The following TANGO6 variants were observed in gnomAD, a reference collection of about 807,000 sequenced individuals.
TANGO6 encodes transport and golgi organization 6 homolog.
A neutral mutation model predicts 114.2 loss-of-function variants in TANGO6; 90 were observed. The ratio of observed to expected loss-of-function variants is 0.79; its 90% CI spans 0.66 to 0.94. TANGO6 has a LOEUF of 0.94. Ranked by LOEUF, TANGO6 falls within the 40% of genes least tolerant of loss-of-function variation. The pLI is 0.00. For synonymous variants in TANGO6, 477 were observed against 509.8 expected (o/e 0.94, Z 0.87); for missense variants, 1,274 against 1,315.3 (o/e 0.97, Z 0.49).
At chr16:69,076,474 A>G (rs1258934709) in intron 17 of TANGO6, among the ~76,000 whole-genome samples, 2 of 152,206 alleles carry the variant, frequency 1.3e-5, no homozygotes, top group South Asian at 4.1e-4. Context: ...AACAAGAATA[A>G]TGGGTTGCCC....
chr16:69,044,616 G>A (rs2152235357), intron 17 of TANGO6, among the ~76,000 whole-genome samples: 1 of 152,298 alleles, frequency 6.6e-6, no homozygotes, highest in Admixed American at 6.5e-5. Flanking sequence ...GGAAGCCACA[G>A]AAGAGAGGCA....
chr16:68,862,011 TATTTTTTTTTA>T (rs1252582647), intron 2 of TANGO6, among the ~76,000 whole-genome samples: 5 of 151,774 alleles, frequency 3.3e-5, no homozygotes, highest in African/African-American at 4.9e-5. Context: ...TGGAGACATC[TATTTTTTTTTA>T]ATTTTTTTTT....
intron 7 of TANGO6, among the ~76,000 whole-genome samples, chr16:68,881,543 A>G (rs1035264732): frequency 6.6e-6 from 1 of 152,134 alleles, no homozygotes; most frequent in African/African-American, 2.4e-5. Flanking sequence ...AGAAATTGAC[A>G]GGGGCTTTTT....
chr16:68,946,644 G>A (rs569841666), intron 14 of TANGO6, among the ~76,000 whole-genome samples: 1 of 152,206 alleles, frequency 6.6e-6, no homozygotes, highest in South Asian at 2.1e-4. Context: ...CAGGACTACA[G>A]GTGCACACCA....
intron 15 of TANGO6, among the ~76,000 whole-genome samples, chr16:68,976,209 C>T (rs1484046234): frequency 2.0e-5 from 3 of 152,180 alleles, no homozygotes; most frequent in Non-Finnish European, 4.4e-5. Flanking sequence ...GCTGAGATTA[C>T]AGGCATGAGC....
intron 17 of TANGO6, among the ~76,000 whole-genome samples, chr16:69,063,810 T>TCTC (rs1597077098): frequency 5.3e-5 from 5 of 95,228 alleles, no homozygotes; most frequent in African/African-American, 2.2e-4. Context: ...TTCTTCTTCT[T>TCTC]ATTATTATTA....
intron 15 of TANGO6, among the ~76,000 whole-genome samples, chr16:68,981,639 A>C (rs966405409): frequency 1.3e-5 from 2 of 152,224 alleles, no homozygotes; most frequent in African/African-American, 4.8e-5. Flanking sequence ...AATTGAATTA[A>C]ATCAAAAGGG....
In TANGO6 at chr16:69,069,883, A is replaced by G. The variant is rs116157941; in HGVS notation, c.3109-13602A>G. 3.4e-3 allele frequency among the ~76,000 whole-genome samples: 514 copies of G among 152,234 alleles called. 4 individuals carry two copies. The highest frequency in any genetic ancestry group is 0.011 in the African/African-American group (473 of 41,542). The stretch of plus-strand genomic sequence containing the variant: ...AAGAAAGAATTCAGGGCGAGTCCAC[A>G]TTGCAAAGTAAAAGCAAGTTTATTA... On this transcript the variant is annotated intron_variant, in intron 17 of 17. Transcript: ENST00000261778.
intron 14 of TANGO6, among the ~76,000 whole-genome samples, chr16:68,950,555 ACT>A (rs946768687): frequency 2.0e-4 from 30 of 149,076 alleles, no homozygotes; most frequent in African/African-American, 1.0e-4. Context: ...ACAGAGCGAG[ACT>A]CTGTTTTAAA....
intron 14 of TANGO6, among the ~76,000 whole-genome samples, chr16:68,936,210 A>G (rs887336393): frequency 6.6e-6 from 1 of 152,164 alleles, no homozygotes; most frequent in African/African-American, 2.4e-5. Flanking sequence ...AAAAGGATAC[A>G]TCTTTGAGAT....
intron 14 of TANGO6, among the ~76,000 whole-genome samples, chr16:68,947,531 C>T (rs994221659): frequency 1.3e-5 from 2 of 149,988 alleles, no homozygotes; most frequent in Non-Finnish European, 3.0e-5. Context: ...ATCTAGAAAG[C>T]TTTGATTCTG....
chr16:68,892,844 T>C (rs1962644906), intron 7 of TANGO6, among the ~76,000 whole-genome samples: 1 of 152,094 alleles, frequency 6.6e-6, no homozygotes, highest in Admixed American at 6.6e-5. Context: ...AGGCATCCTT[T>C]CACTTAACCC....
chr16:68,922,180 G>GA (rs1963102412), intron 12 of TANGO6, among the ~76,000 whole-genome samples: 1 of 151,382 alleles, frequency 6.6e-6, no homozygotes, highest in South Asian at 2.1e-4. Flanking sequence ...TGTCTGGGAA[G>GA]AGGAGTTAAT....
In TANGO6 at chr16:69,083,606, A is replaced by G; in HGVS notation, c.3230A>G (p.Lys1077Arg). 1.3e-6 allele frequency: 2 copies of G among 1,588,488 alleles called. No homozygotes were observed. Among genetic ancestry groups the G allele is most frequent in the Non-Finnish European group, 1.7e-6 (2 of 1,167,254 alleles). The change falls in exon 18 of 18, where the codon AAA becomes AGA. Residue 1077 changes from lysine (K) to arginine (R), a missense_variant. Coordinates refer to ENST00000261778, the MANE Select transcript of TANGO6 (RefSeq NM_024562.2). ...LALEELDDIM[K>R]NFLFPPQKLE... ...CTAGAAGAGCTGGATGACATCATGA[A>G]AAACTTCCTGTTCCCTCCACAGAAG...
intron 16 of TANGO6, chr16:69,026,153 C>G (rs143947790): frequency 1.3e-5 from 2 of 152,504 alleles, no homozygotes; most frequent in African/African-American, 4.8e-5. Flanking sequence ...AGGCGCCCAT[C>G]ACCACACCCA....
At chr16:68,995,456 A>G (rs945816834) in intron 15 of TANGO6, among the ~76,000 whole-genome samples, 5 of 151,968 alleles carry the variant, frequency 3.3e-5, no homozygotes, top group Admixed American at 3.3e-4. Flanking sequence ...TGGCTCCAAC[A>G]CTCTGCAGTG....
intron 17 of TANGO6, among the ~76,000 whole-genome samples, chr16:69,054,441 G>C (rs1206915232): frequency 6.6e-6 from 1 of 152,166 alleles, no homozygotes; most frequent in Non-Finnish European, 1.5e-5. Context: ...GAAATTTTCT[G>C]AGATTCTGTG....
chr16:68,843,830 C>T, intron 1 of TANGO6, 119 bp downstream of exon 1: 2 of 925,208 alleles, frequency 2.2e-6, no homozygotes, highest in Non-Finnish European at 1.7e-6. Context: ...ACCCTCCGCC[C>T]GCTGCTGGGG....
intron 14 of TANGO6, chr16:68,937,282 A>G: frequency 6.6e-6 from 1 of 152,220 alleles, no homozygotes; most frequent in Non-Finnish European, 1.5e-5. Context: ...TGGTTTCTGT[A>G]CCACTTACTT....
Sources: gnomAD v4.1 joint callset for allele counts (sites outside exome capture counted in the v4.1 genomes callset) on GRCh38, gnomAD v4.1.1 for gene constraint, MANE v1.5 for transcripts, NCBI Gene and HGNC (gene_info 2026-07-23, HGNC 2026-07-21) for gene names.